NXN: variants seen among roughly 807,000 people sequenced by gnomAD.
NXN encodes nucleoredoxin, also known as nucleoredoxin 1.
NXN carries 16 observed loss-of-function variants against 48.6 expected under a neutral mutation model. That is an observed-to-expected ratio of 0.33 (90% CI 0.22 to 0.50). The LOEUF is 0.50. Among genes scored for constraint, NXN ranks in the 20% least tolerant of loss-of-function variants. The pLI is 0.98. For missense variants in NXN, 492 were observed against 605.5 expected (o/e 0.81, Z 1.97); for synonymous variants, 281 against 269.6 (o/e 1.04, Z -0.41).
chr17:895,793 G>GAGC, intron 1 of NXN, among the ~76,000 whole-genome samples: 1 of 2,858 alleles, frequency 3.5e-4, no homozygotes, highest in African/African-American at 0.012. Flanking sequence ...ACTCCAGCCT[G>GAGC]GGTTTTGTTT....
At chr17:806,921 TACAC>T (rs5818767) in intron 5 of NXN, among the ~76,000 whole-genome samples, 20,104 of 148,096 alleles carry the variant, frequency 0.14, 2,630 homozygotes, top group African/African-American at 0.36. Flanking sequence ...CACACTCACA[TACAC>T]ACACACACAC....
At chr17:951,649 A>G (rs1360067424) in intron 1 of NXN, among the ~76,000 whole-genome samples, 2 of 151,992 alleles carry the variant, frequency 1.3e-5, no homozygotes, top group African/African-American at 4.8e-5. Context: ...AGAGGCGGGC[A>G]AGCCCCACTT....
intron 1 of NXN, chr17:896,839 G>C (rs1419253523): frequency 1.7e-6 from 2 of 1,177,976 alleles, no homozygotes; most frequent in Non-Finnish European, 2.2e-6. Flanking sequence ...TGCTAAAATG[G>C]ACCACGCGGT....
At position 831,447 on chromosome 17, in the gene NXN, T is replaced by TTATG. The variant is rs1345249846; in HGVS notation, c.361-5370_361-5369insCATA. Among the ~76,000 whole-genome samples, 471 of 123,136 alleles carry TTATG rather than the reference T, an allele frequency of 3.8e-3. 2 individuals are homozygous for TTATG. The highest frequency in any genetic ancestry group is 0.015 in the African/African-American group (442 of 30,456). 80.8% of individuals were successfully genotyped at this position (123,136 alleles called of 152,430 possible). The stretch of plus-strand genomic sequence containing the variant: ...GCCACACAGATACTGAGGGCCGACT[T>TTATG]TATTTATTCATTTATTTATTTATTT... On this transcript the variant is annotated intron_variant, in intron 1 of 7. Transcript: ENST00000336868.
chr17:936,565 T>C (rs1473415510), intron 1 of NXN, among the ~76,000 whole-genome samples: 1 of 150,854 alleles, frequency 6.6e-6, no homozygotes, highest in Non-Finnish European at 1.5e-5. Flanking sequence ...AAACTGGACT[T>C]GGAGGAAGGG....
Position 830,601 on chromosome 17 carries a change from A to T in NXN, c.361-4523T>A, listed in dbSNP as rs1913402319. Reference sequence around the variant, plus strand: ...AGAACCAGGGGCGGCGGCTGTGATGAGGTCAGAGATCATCATAAGATTTGT... The same window carrying T: ...AGAACCAGGGGCGGCGGCTGTGATGTGGTCAGAGATCATCATAAGATTTGT... On this transcript the variant is annotated intron_variant, in intron 1 of 7. Coordinates refer to ENST00000336868, the MANE Select transcript of NXN (RefSeq NM_022463.5). This position sits in a 1 kb window ranked among gnomAD's most constrained non-coding sequence, Gnocchi z 4.2. Among the ~76,000 whole-genome samples the T allele has an allele frequency of 6.6e-6, 1 of 152,188 alleles. No homozygotes were observed. The highest frequency in any genetic ancestry group is 2.1e-4 in the South Asian group (1 of 4,822).
intron 1 of NXN, among the ~76,000 whole-genome samples, chr17:928,742 G>GGCA (rs2068825448): frequency 6.6e-6 from 1 of 152,062 alleles, no homozygotes; most frequent in Admixed American, 6.6e-5. Flanking sequence ...AGGCTGAGGA[G>GGCA]GGAGAATCGC....
chr17:926,337 C>A (rs897062567), intron 1 of NXN, among the ~76,000 whole-genome samples: 1 of 152,052 alleles, frequency 6.6e-6, no homozygotes, highest in Non-Finnish European at 1.5e-5. Context: ...CAGGCATGCA[C>A]CACTACACCC....
At chr17:973,636 G>T (rs560191199) in intron 1 of NXN, among the ~76,000 whole-genome samples, 1 of 152,072 alleles carries the variant, frequency 6.6e-6, no homozygotes, top group East Asian at 1.9e-4. Flanking sequence ...CATTCTTCTA[G>T]GTCTTTCTTC....
At chr17:896,795 C>T in intron 1 of NXN, 5 of 1,059,048 alleles carry the variant, frequency 4.7e-6, no homozygotes, top group Non-Finnish European at 5.9e-6. Flanking sequence ...AAATTCTCTA[C>T]AATAGACACT....
At position 956,889 on chromosome 17, in the gene NXN, G is replaced by A. The variant is rs2069176723; in HGVS notation, c.360+22430C>T. Reference sequence around the variant, plus strand: ...AACCAGGTCATCCAGGAGAGAGGCTGGCCCCTCCGTTCTCAGAGCTCCTGC... The same window carrying A: ...AACCAGGTCATCCAGGAGAGAGGCTAGCCCCTCCGTTCTCAGAGCTCCTGC... On this transcript the variant is annotated intron_variant, in intron 1 of 7. Transcript: ENST00000336868. The surrounding 1 kb of genome is among the most constrained non-coding windows in gnomAD (Gnocchi z 4.1). 2.0e-5 allele frequency among the ~76,000 whole-genome samples: 3 copies of A among 152,156 alleles called. No homozygotes were observed. Among genetic ancestry groups the A allele is most frequent in the Admixed American group, 2.0e-4 (3 of 15,268 alleles).
chr17:803,891 G>C, intron 6 of NXN, 85 bp from the exon 7 acceptor site: 1 of 1,573,160 alleles, frequency 6.4e-7, no homozygotes, highest in Non-Finnish European at 8.6e-7. Flanking sequence ...GGGGGCCTGA[G>C]CTGCAGAAAC....
intron 6 of NXN, 131 bp downstream of exon 6, chr17:804,937 G>A (rs1047157577): frequency 1.3e-5 from 13 of 972,952 alleles, no homozygotes; most frequent in Non-Finnish European, 1.9e-5. Context: ...AAGGCTTCAG[G>A]GAGAGACAAA....
chr17:918,638 C>T (rs1597241501), intron 1 of NXN, among the ~76,000 whole-genome samples: 1 of 151,934 alleles, frequency 6.6e-6, no homozygotes, highest in South Asian at 2.1e-4. Context: ...ACTAAAAATA[C>T]AAAAATTATC....
intron 1 of NXN, among the ~76,000 whole-genome samples, chr17:845,322 C>G (rs998221937): frequency 2.0e-5 from 3 of 152,064 alleles, no homozygotes; most frequent in Non-Finnish European, 4.4e-5. Context: ...ACCATCATCA[C>G]CCTTAGGGAC....
chr17:902,281 A>G (rs2068544663), intron 1 of NXN, among the ~76,000 whole-genome samples: 1 of 152,162 alleles, frequency 6.6e-6, no homozygotes, highest in Non-Finnish European at 1.5e-5. Flanking sequence ...CGTTCTCAGA[A>G]ACCGTTCCGG....
At chr17:916,331 AT>A (rs1278446034) in intron 1 of NXN, among the ~76,000 whole-genome samples, 1 of 152,204 alleles carries the variant, frequency 6.6e-6, no homozygotes, top group Non-Finnish European at 1.5e-5. Context: ...TGAAAATGAG[AT>A]TATTTAAAAC....
At chr17:936,735 C>T (rs1020437146) in intron 1 of NXN, among the ~76,000 whole-genome samples, 8 of 149,068 alleles carry the variant, frequency 5.4e-5, no homozygotes, top group Middle Eastern at 3.4e-3. Flanking sequence ...GGATTTATAA[C>T]GGATTTCTTT....
intron 1 of NXN, among the ~76,000 whole-genome samples, chr17:944,021 T>C (rs1488684750): frequency 1.3e-5 from 2 of 152,050 alleles, no homozygotes; most frequent in Non-Finnish European, 2.9e-5. Flanking sequence ...GTGGATCACC[T>C]GAGGTCAGGG....
Sources: allele counts gnomAD v4.1 joint callset (sites outside exome capture counted in the v4.1 genomes callset), GRCh38; gene constraint gnomAD v4.1.1; non-coding constraint Gnocchi (gnomAD v3.1); transcripts MANE v1.5; gene names NCBI Gene and HGNC (gene_info 2026-07-23, HGNC 2026-07-21).